The following SLCO1B3 variants were observed in gnomAD, a reference collection of about 807,000 sequenced individuals.
SLCO1B3 encodes the protein solute carrier organic anion transporter family member 1B3.
A neutral mutation model predicts 71.8 loss-of-function variants in SLCO1B3; 72 were observed. The observed-to-expected ratio is 1.00, with a 90% CI of 0.83 to 1.22. SLCO1B3 has a LOEUF of 1.22. SLCO1B3 is among the 50% of genes most tolerant of loss of function. The probability of loss-of-function intolerance (pLI) is 0.00; values close to 1 mark genes in which losing one functional copy is unlikely to be tolerated. For synonymous variants in SLCO1B3, 298 were observed against 278.4 expected, an observed-to-expected ratio of 1.07 and a Z score of -0.70; for missense variants, 911 against 819.7, an observed-to-expected ratio of 1.11 and a Z score of -1.36.
intron 12 of SLCO1B3, among the ~76,000 whole-genome samples, chr12:20,881,750 A>C (rs1865698127): frequency 6.6e-6 from 1 of 152,064 alleles, no homozygotes; most frequent in Non-Finnish European, 1.5e-5. Context: ...GAAATTAGGT[A>C]TGCTGTTCCC....
chr12:20,903,400 T>G (rs1866169212), intron 15 of SLCO1B3, among the ~76,000 whole-genome samples: 1 of 152,190 alleles, frequency 6.6e-6, no homozygotes, highest in Non-Finnish European at 1.5e-5. Context: ...AATGTATTAG[T>G]CTATTCTCAC....
At chr12:20,821,333 T>TG (rs1864301476) in intron 3 of SLCO1B3, among the ~76,000 whole-genome samples, 1 of 152,128 alleles carries the variant, frequency 6.6e-6, no homozygotes, top group Middle Eastern at 3.2e-3. Context: ...GAGTTTGTAC[T>TG]GGGGTCAAGC....
At position 20,880,925 on chromosome 12, in the gene SLCO1B3, A is replaced by G. The variant is rs752317541; in HGVS notation, c.1402A>G (p.Ser468Gly). 2 of 1,611,922 alleles carry G rather than the reference A, an allele frequency of 1.2e-6. No homozygotes were observed. The highest frequency in any genetic ancestry group is 3.3e-5 in the Admixed American group (2 of 59,972). The change falls in exon 12 of 16, where the codon AGT (serine) becomes GGT (glycine). Residue 468 changes from serine to glycine, a missense_variant. Ser to Gly is a moderately conservative substitution (Grantham distance 56). Transcript: ENST00000381545. The stretch of plus-strand genomic sequence containing the variant: ...CAACTCAGAGTGCAATTGTGATGAA[A>G]GTCAGTGGGAACCAGTCTGTGGGAA... ...YCNSECNCDE[S>G]QWEPVCGNNG...
Position 20,888,306 on chromosome 12 carries a change from A to G in SLCO1B3, c.1682+4704A>G, listed in dbSNP as rs185564751. 1.2e-3 allele frequency among the ~76,000 whole-genome samples: 175 copies of G among 152,070 alleles called. 1 individual carries two copies. Among genetic ancestry groups the G allele is most frequent in the African/African-American group, 4.1e-3 (169 of 41,544 alleles). On this transcript the variant is annotated intron_variant, in intron 13 of 15. Coordinates refer to ENST00000381545, the MANE Select transcript of SLCO1B3 (RefSeq NM_019844.4). ...TTGGGCAGGATGGTCATTTTACACA[A>G]TATTCATTATTCCAATTCATGAGCG...
chr12:20,833,804 G>A (rs28707028), intron 3 of SLCO1B3, among the ~76,000 whole-genome samples: 1 of 147,072 alleles, frequency 6.8e-6, no homozygotes, highest in Non-Finnish European at 1.5e-5. Context: ...TAAAGTGTGT[G>A]TGTATATATC....
intron 15 of SLCO1B3, among the ~76,000 whole-genome samples, chr12:20,909,341 T>TG (rs1555161702): frequency 0.01 from 1,544 of 149,122 alleles, 22 homozygotes; most frequent in African/African-American, 0.035. Context: ...AATTTTTTTT[T>TG]TTTTTGTATT....
intron 13 of SLCO1B3, among the ~76,000 whole-genome samples, chr12:20,884,919 T>C (rs1865763528): frequency 6.6e-6 from 1 of 152,118 alleles, no homozygotes; most frequent in Non-Finnish European, 1.5e-5. Context: ...AAGTATAGCT[T>C]CATCTTAATA....
intron 3 of SLCO1B3, among the ~76,000 whole-genome samples, chr12:20,821,233 C>G (rs544281385): frequency 6.6e-6 from 1 of 152,272 alleles, no homozygotes; most frequent in African/African-American, 2.4e-5. Flanking sequence ...CACCTCAGAC[C>G]ATTTGCCCGT....
chr12:20,823,483 A>AT (rs1864360748), intron 3 of SLCO1B3, among the ~76,000 whole-genome samples: 1 of 152,174 alleles, frequency 6.6e-6, no homozygotes, highest in South Asian at 2.1e-4. Context: ...TAGAAGCATA[A>AT]TTTTTCTCTC....
At chr12:20,848,290 T>G (rs1762849261) in intron 3 of SLCO1B3, among the ~76,000 whole-genome samples, 1 of 152,186 alleles carries the variant, frequency 6.6e-6, no homozygotes, top group Non-Finnish European at 1.5e-5. Flanking sequence ...GAGCTTTCAT[T>G]ACATACTTAT....
intron 8 of SLCO1B3, among the ~76,000 whole-genome samples, chr12:20,863,499 A>G (rs1026416470): frequency 2.6e-5 from 4 of 152,156 alleles, no homozygotes; most frequent in African/African-American, 9.7e-5. Context: ...CCTCCTTCCT[A>G]CAGATATACC....
intron 3 of SLCO1B3, among the ~76,000 whole-genome samples, chr12:20,836,168 T>C (rs964054462): frequency 2.6e-5 from 4 of 152,144 alleles, no homozygotes; most frequent in African/African-American, 4.8e-5. Context: ...TCCCACTGGG[T>C]CCCTTCCATG....
intron 12 of SLCO1B3, 50 bp from the exon 13 acceptor site, chr12:20,883,368 C>T (rs945164251): frequency 2.7e-5 from 29 of 1,060,260 alleles, no homozygotes; most frequent in Non-Finnish European, 3.9e-5. Flanking sequence ...ATTCATAGCC[C>T]TGTTGTATTT....
rs554617204 is a variant in SLCO1B3 at position 20,851,128 on chromosome 12, C to T, written c.85-3900C>T. On this transcript the variant is annotated intron_variant, in intron 3 of 15. Transcript: ENST00000381545. Reference sequence around the variant, plus strand: ...CTATTGTAAATAATGCTGTGATGAACGTGGGTGTGTGAAAATCTCTTCAAG... The same window carrying T: ...CTATTGTAAATAATGCTGTGATGAATGTGGGTGTGTGAAAATCTCTTCAAG... 1.1e-4 allele frequency among the ~76,000 whole-genome samples: 17 copies of T among 152,166 alleles called. 1 individual carries two copies. The South Asian group carries it at 2.3e-3, about 20-fold the overall frequency.
chr12:20,829,688 T>C (rs1864498974), intron 3 of SLCO1B3, among the ~76,000 whole-genome samples: 2 of 152,174 alleles, frequency 1.3e-5, no homozygotes, highest in Non-Finnish European at 2.9e-5. Context: ...AAAGCAAGTT[T>C]ATTAAGAAAG....
At position 20,902,798 on chromosome 12, in the gene SLCO1B3, G is replaced by T. The variant is rs1031127323; in HGVS notation, c.1865+1331G>T. On this transcript the variant is annotated intron_variant, in intron 15 of 15. Transcript: ENST00000381545. ...AATCTCCAAAAACAGGCCGGATGCA[G>T]TGGCTCACAACTGTAATCCTAGCAC... 3.9e-5 allele frequency among the ~76,000 whole-genome samples: 6 copies of T among 152,122 alleles called. 1 individual carries two copies. The highest frequency in any genetic ancestry group is 1.3e-4 in the Admixed American group (2 of 15,268).
chr12:20,858,484 T>C lies in SLCO1B3; in HGVS notation c.272T>C (p.Leu91Pro), dbSNP rs1469782075. The C allele has an allele frequency of 1.3e-6, 2 of 1,598,386 alleles. No homozygotes were observed. Among genetic ancestry groups the C allele is most frequent in the Admixed American group, 3.3e-5 (2 of 59,982 alleles). Residue 91 changes from leucine to proline, a missense_variant, in exon 5 of 16, where the codon CTA becomes CCA. Leu to Pro is a moderately conservative substitution (Grantham distance 98). Transcript: ENST00000381545. ...IVFVSYFGSK[L>P]HRPKLIGIGC... ...TTTGTAAGTTACTTTGGATCTAAAC[T>C]ACACAGACCGAAGTTAATTGGAATT...
intron 8 of SLCO1B3, among the ~76,000 whole-genome samples, chr12:20,863,980 G>GAGAC (rs1865323559): frequency 6.6e-6 from 1 of 151,638 alleles, no homozygotes; most frequent in Non-Finnish European, 1.5e-5. Context: ...AACTCAACCT[G>GAGAC]TGAAAAGCTG....
chr12:20,903,793 C>T (rs931300953), intron 15 of SLCO1B3, among the ~76,000 whole-genome samples: 5 of 152,128 alleles, frequency 3.3e-5, no homozygotes, highest in African/African-American at 1.2e-4. Context: ...TCCCAAATCT[C>T]CTGTTCTTCT....
Sources: gnomAD v4.1 joint callset for allele counts (sites outside exome capture counted in the v4.1 genomes callset) on GRCh38, gnomAD v4.1.1 for gene constraint, MANE v1.5 for transcripts, NCBI Gene and HGNC (gene_info 2026-07-23, HGNC 2026-07-21) for gene names.